Variants in CLASRP observed in about 807,000 individuals in gnomAD.
CLASRP encodes CLK4 associating serine/arginine rich protein.
CLASRP carries 52 observed loss-of-function variants against 99.9 expected under a neutral mutation model. That is an observed-to-expected ratio of 0.52 (90% CI 0.42 to 0.66). The LOEUF (loss-of-function observed/expected upper bound fraction) is 0.66, where lower values mean the gene tolerates loss of function less well. CLASRP is among the 30% of genes least tolerant of loss of function. CLASRP has a pLI of 0.00. For synonymous variants in CLASRP, 379 were observed against 373.0 expected (o/e 1.02, Z -0.18); for missense variants, 848 against 999.2 (o/e 0.85, Z 2.04).
intron 2 of CLASRP, among the ~76,000 whole-genome samples, chr19:45,051,282 C>G (rs772693273): frequency 2.0e-5 from 3 of 151,976 alleles, no homozygotes; most frequent in African/African-American, 7.3e-5. Flanking sequence ...GCCACCACCT[C>G]GAGAGGAACC....
intron 6 of CLASRP, among the ~76,000 whole-genome samples, chr19:45,057,096 T>G (rs1972133245): frequency 6.6e-6 from 1 of 152,138 alleles, no homozygotes; most frequent in South Asian, 2.1e-4. Flanking sequence ...TTCTCTCTTC[T>G]CCACCTCAGT....
At chr19:45,065,191 G>A (rs1233490374) in intron 13 of CLASRP, among the ~76,000 whole-genome samples, 12 of 151,874 alleles carry the variant, frequency 7.9e-5, no homozygotes, top group African/African-American at 2.9e-4. Flanking sequence ...TCAGGAGTTC[G>A]AGACCACCCT....
Position 45,064,511 on chromosome 19 carries a change from G to C in CLASRP, c.1290G>C (p.Arg430=), listed in dbSNP as rs1256294554. ...GGTCCCGCTCCCGCTCCCGCTCCCG[G>C]CGCTATTCCCGGTCCCGTAGCCGTG... The part of the protein sequence containing the change: ...RSWSRSRSRS[R]RYSRSRSRGR... The change falls in exon 13 of 21, where the codon CGG becomes CGC. Residue 430 remains arginine, a synonymous_variant. Coordinates refer to ENST00000221455, the MANE Select transcript of CLASRP (RefSeq NM_007056.3). 2 of 1,534,964 alleles carry C rather than the reference G, an allele frequency of 1.3e-6. No individual in the cohort carries two copies. The highest frequency in any genetic ancestry group is 2.0e-5 in the Admixed American group (1 of 50,886).
chr19:45,043,411 CAA>C (rs34898629), intron 2 of CLASRP, among the ~76,000 whole-genome samples: 59 of 81,742 alleles, frequency 7.2e-4, no homozygotes, highest in African/African-American at 2.0e-3. Context: ...GACTCCGTCC[CAA>C]AAAAAAAAAA....
chr19:45,067,695 G>A lies in CLASRP; in HGVS notation c.1667+101G>A. 1 of 1,138,926 alleles carries A rather than the reference G, an allele frequency of 8.8e-7. No individual in the cohort carries two copies. Among genetic ancestry groups the A allele is most frequent in the South Asian group, 1.5e-5 (1 of 65,936 alleles). 70.6% of individuals were successfully genotyped at this position (1,138,926 alleles called of 1,614,324 possible). A position where few individuals can be genotyped will look rare whatever the true frequency, so the allele number is the denominator to read the frequency against. On this transcript the variant is annotated intron_variant, in intron 14 of 20. Coordinates refer to ENST00000221455, the MANE Select transcript of CLASRP (RefSeq NM_007056.3). The surrounding 1 kb of genome is among the most constrained non-coding windows in gnomAD (Gnocchi z 4.9). ...AGGGGAACTTAGCCCTACCCTGGGA[G>A]GTCTGGGGGGTGGTGTATGGCCCTG... is the stretch of plus-strand genomic sequence containing the variant.
chr19:45,040,422 C>G (rs1600089934), intron 2 of CLASRP, 111 bp downstream of exon 2: 3 of 692,280 alleles, frequency 4.3e-6, no homozygotes, highest in East Asian at 2.8e-5. Flanking sequence ...GGCTCATTTC[C>G]TCAGGAGTAT....
chr19:45,069,339 T>A, intron 18 of CLASRP, 91 bp downstream of exon 18: 5 of 1,306,390 alleles, frequency 3.8e-6, no homozygotes, highest in Non-Finnish European at 5.5e-6. Context: ...CCTGCCCAGC[T>A]CCCTGTGGGT....
intron 2 of CLASRP, among the ~76,000 whole-genome samples, chr19:45,044,592 C>T (rs1466435705): frequency 6.6e-6 from 1 of 152,078 alleles, no homozygotes; most frequent in Non-Finnish European, 1.5e-5. Flanking sequence ...AGCAAGACCC[C>T]ATCTCTGCAA....
chr19:45,063,436 C>CTTTTTTTTTTTTTTTTTTTTTTTTTTTTT lies in CLASRP; in HGVS notation c.906-549_906-548insTTTTTTTTTTTTTTTTTTTTTTTTTTTTT, dbSNP rs565600159. 1.5e-3 allele frequency among the ~76,000 whole-genome samples: 64 copies of CTTTTTTTTTTTTTTTTTTTTTTTTTTTTT among 42,390 alleles called. 24 individuals carry two copies. Among genetic ancestry groups the CTTTTTTTTTTTTTTTTTTTTTTTTTTTTT allele is most frequent in the Middle Eastern group, 0.043 (2 of 46 alleles). 27.8% of individuals were successfully genotyped at this position (42,390 alleles called of 152,430 possible). ...GTGTTTTGTACAGAGATCTGCTTAT[C>CTTTTTTTTTTTTTTTTTTTTTTTTTTTTT]TTTTTTTTTTTTTTTTTTTTTTTTT... On this transcript the variant is annotated intron_variant, in intron 11 of 20. Transcript: ENST00000221455.
intron 2 of CLASRP, among the ~76,000 whole-genome samples, chr19:45,047,871 G>A (rs1312455252): frequency 1.3e-5 from 2 of 152,014 alleles, no homozygotes; most frequent in Non-Finnish European, 2.9e-5. Context: ...ATCACCTGAG[G>A]TCAGGAGTTG....
chr19:45,067,462 G>C lies in CLASRP; in HGVS notation c.1535G>C (p.Arg512Pro), dbSNP rs191012312. ...PSRSRSLTRSRSHSPSPSQSR... is the reference protein window; with the variant it reads ...PSRSRSLTRSPSHSPSPSQSR... ...CGCAGTCGCAGCCTGACTCGCAGCC[G>C]CAGCCATAGCCCCAGCCCCAGCCAG... Residue 512 changes from arginine to proline, a missense_variant, in exon 14 of 21, where the codon CGC (arginine) becomes CCC (proline). Around this residue, in one of 8 missense-constraint regions of CLASRP, gnomAD observed 489 missense variants for 434.7 expected, o/e 1.12. Coordinates refer to ENST00000221455, the MANE Select transcript of CLASRP (RefSeq NM_007056.3). The surrounding 1 kb of genome is among the most constrained non-coding windows in gnomAD (Gnocchi z 4.9). The C allele has an allele frequency of 2.6e-6, 4 of 1,552,616 alleles. No individual in the cohort carries two copies. The Admixed American group carries it at 7.6e-5, about 30-fold the overall frequency.
At chr19:45,068,319 C>CA in intron 15 of CLASRP, 101 bp from the exon 16 acceptor site, 4 of 637,002 alleles carry the variant, frequency 6.3e-6, no homozygotes, top group South Asian at 1.8e-5. Flanking sequence ...TCTCCCCCCC[C>CA]CACCCCCCCC....
chr19:45,054,205 C>T (rs1196589702), intron 5 of CLASRP, among the ~76,000 whole-genome samples: 2 of 152,194 alleles, frequency 1.3e-5, no homozygotes, highest in Non-Finnish European at 2.9e-5. Context: ...ATTATCATTA[C>T]ATCTGCACAA....
chr19:45,067,400 T>G lies in CLASRP; in HGVS notation c.1473T>G (p.Ser491Arg), dbSNP rs1568422332. The change falls in exon 14 of 21, where the codon AGT becomes AGG. Residue 491 changes from serine to arginine, a missense_variant. By Grantham distance (110) the Ser-to-Arg change is moderately radical. Around this residue, in one of 8 missense-constraint regions of CLASRP, gnomAD observed 489 missense variants for 434.7 expected, o/e 1.12. Transcript: ENST00000221455. The surrounding 1 kb of genome is among the most constrained non-coding windows in gnomAD (Gnocchi z 4.9). The part of the protein sequence containing the change: ...RGGRGLRHHS[S>R]SRSRSSWSLS... The stretch of plus-strand genomic sequence containing the variant: ...GCCGGGGCCTCAGGCACCACAGCAG[T>G]AGCCGCAGCCGCAGCAGCTGGTCCC... The G allele has an allele frequency of 3.9e-6, 6 of 1,533,794 alleles. No individual in the cohort carries two copies. In the South Asian group the frequency reaches 7.2e-5, roughly 18 times the overall value.
chr19:45,048,840 G>C (rs1971969170), intron 2 of CLASRP, among the ~76,000 whole-genome samples: 1 of 151,796 alleles, frequency 6.6e-6, no homozygotes, highest in Non-Finnish European at 1.5e-5. Flanking sequence ...ACCAAAATTA[G>C]CCAAGCGTGG....
In CLASRP at chr19:45,069,059, T is replaced by G; in HGVS notation, c.1769-7T>G. ...CCCCTCAGCCACCCTGTTCTTTCTC[T>G]CTACAGTCAAGGCGGATAAGAAGGC... On this transcript the variant is annotated splice_region_variant and splice_polypyrimidine_tract_variant and intron_variant, in intron 16 of 20. Transcript: ENST00000221455. 1 of 1,612,972 alleles carries G rather than the reference T, an allele frequency of 6.2e-7. No individual in the cohort carries two copies. The highest frequency in any genetic ancestry group is 8.5e-7 in the Non-Finnish European group (1 of 1,179,676).
In CLASRP at chr19:45,057,882, G is replaced by T. The variant is rs1972151040; in HGVS notation, c.597G>T (p.Glu199Asp). 2 of 1,613,896 alleles carry T rather than the reference G, an allele frequency of 1.2e-6. No individual in the cohort carries two copies. Among genetic ancestry groups the T allele is most frequent in the Non-Finnish European group, 1.7e-6 (2 of 1,179,922 alleles). Reference sequence around the variant, plus strand: ...AGGAGAGCAACTCGGACGAAGATGAGGTCATCCCCGACATCGGTGGGGTCC... The same window carrying T: ...AGGAGAGCAACTCGGACGAAGATGATGTCATCCCCGACATCGGTGGGGTCC... Reference protein sequence around the residue: ...AEEESNSDEDEVIPDIDVEVD... With the variant: ...AEEESNSDEDDVIPDIDVEVD... The change falls in exon 7 of 21, where the codon GAG (glutamate) becomes GAT (aspartate). Residue 199 changes from glutamate (E) to aspartate (D), a missense_variant. Physicochemically the swap from Glu to Asp is conservative, Grantham distance 45 (BLOSUM62 2). Around this residue, in one of 8 missense-constraint regions of CLASRP, gnomAD observed 119 missense variants for 170.2 expected, o/e 0.70. Transcript: ENST00000221455.
At chr19:45,042,269 G>C (rs924931527) in intron 2 of CLASRP, among the ~76,000 whole-genome samples, 1 of 152,148 alleles carries the variant, frequency 6.6e-6, no homozygotes, top group African/African-American at 2.4e-5. Flanking sequence ...GAGCAATGAA[G>C]GGACAGGGTC....
chr19:45,067,325 C>A lies in CLASRP; in HGVS notation c.1410-12C>A. ...GCCTCACAGTCCTCCTCCCGCCCTGCTGCATCCCCAGGAGCCGCTCCCACT... is the reference window on the plus strand; with the variant it reads ...GCCTCACAGTCCTCCTCCCGCCCTGATGCATCCCCAGGAGCCGCTCCCACT... On this transcript the variant is annotated splice_polypyrimidine_tract_variant and intron_variant, in intron 13 of 20. Transcript: ENST00000221455. The surrounding 1 kb of genome is among the most constrained non-coding windows in gnomAD (Gnocchi z 4.9). The A allele has an allele frequency of 6.7e-7, 1 of 1,496,754 alleles. No homozygotes were observed. The highest frequency in any genetic ancestry group is 1.3e-5 in the South Asian group (1 of 77,230). 92.7% of individuals were successfully genotyped at this position (1,496,754 alleles called of 1,614,324 possible). A position where few individuals can be genotyped will look rare whatever the true frequency, so the allele number is the denominator to read the frequency against.
Sources: gnomAD v4.1 joint callset for allele counts (sites outside exome capture counted in the v4.1 genomes callset) on GRCh38, gnomAD v4.1.1 for gene constraint, gnomAD v4.1.1 regional missense constraint, Gnocchi (gnomAD v3.1) non-coding constraint, MANE v1.5 for transcripts, NCBI Gene and HGNC (gene_info 2026-07-23, HGNC 2026-07-21) for gene names.